The following SMC1B variants were observed in gnomAD, a reference collection of about 807,000 sequenced individuals.
SMC1B encodes structural maintenance of chromosomes 1B.
Under a neutral mutation model 157.9 loss-of-function variants are expected in SMC1B, and 60 were observed. The ratio of observed to expected loss-of-function variants is 0.38; its 90% CI spans 0.31 to 0.47. The LOEUF (loss-of-function observed/expected upper bound fraction) is 0.47, where lower values mean the gene tolerates loss of function less well. SMC1B is among the 20% of genes least tolerant of loss of function. SMC1B has a pLI of 0.99. For missense variants in SMC1B, 1,165 were observed against 1,426.2 expected, an observed-to-expected ratio of 0.82 and a Z score of 2.95; for synonymous variants, 445 against 483.0, an observed-to-expected ratio of 0.92 and a Z score of 1.03.
rs376159177 is a variant in SMC1B, at chr22:45,402,560, G to A, written c.627C>T (p.Tyr209=). ...TTTTCAGTTCTTCAAGGAGACTCTG[G>A]TAACGTTCTGCCTATAAAAGAGTAT... is the stretch of plus-strand genomic sequence containing the variant. The part of the protein sequence containing the change: ...AKLEKEEAER[Y]QSLLEELKMN... Residue 209 remains tyrosine, a synonymous_variant, in exon 5 of 25, where the codon TAC becomes TAT. Coordinates refer to ENST00000357450, the MANE Select transcript of SMC1B (RefSeq NM_148674.5). The A allele has an allele frequency of 3.7e-6, 6 of 1,612,358 alleles. No homozygotes were observed. In the African/African-American group the frequency reaches 6.7e-5, roughly 18 times the overall value.
At chr22:45,359,773 G>A (rs764612184) in intron 18 of SMC1B, 32 bp downstream of exon 18, 55 of 1,601,742 alleles carry the variant, frequency 3.4e-5, no homozygotes, top group Admixed American at 6.7e-5. Flanking sequence ...TCCACACAAC[G>A]GCACATATTT....
intron 5 of SMC1B, among the ~76,000 whole-genome samples, chr22:45,400,598 G>A (rs1180837499): frequency 6.6e-6 from 1 of 152,046 alleles, no homozygotes. Context: ...TTGCCCTCAA[G>A]GTAAAACATA....
rs1387371286 is a variant in SMC1B at position 45,402,315 on chromosome 22, C to T, written c.854+18G>A. On this transcript the variant is annotated intron_variant, in intron 5 of 24. Transcript: ENST00000357450. ...CTACATATAACCCAACTGTTAATAT[C>T]TACTTTTAAAAACTCACTTTAATTC... 4 of 1,541,910 alleles carry T rather than the reference C, an allele frequency of 2.6e-6. No individual in the cohort carries two copies. Among genetic ancestry groups the T allele is most frequent in the Non-Finnish European group, 3.6e-6 (4 of 1,119,090 alleles).
At chr22:45,403,344 C>T (rs2087218198) in intron 4 of SMC1B, among the ~76,000 whole-genome samples, 1 of 152,152 alleles carries the variant, frequency 6.6e-6, no homozygotes, top group African/African-American at 2.4e-5. Flanking sequence ...AAGAAACATC[C>T]ACTTTCCATT....
chr22:45,351,515 A>G (rs1234954589), intron 22 of SMC1B, among the ~76,000 whole-genome samples: 2 of 152,250 alleles, frequency 1.3e-5, no homozygotes, highest in East Asian at 3.8e-4. Flanking sequence ...TCATGGAAAT[A>G]GAGAAGCAGC....
chr22:45,374,099 T>G (rs1602067275), intron 12 of SMC1B, among the ~76,000 whole-genome samples: 2 of 147,780 alleles, frequency 1.4e-5, no homozygotes, highest in African/African-American at 5.0e-5. Context: ...GGTTTTTTTT[T>G]TTTTTTTTTT....
intron 15 of SMC1B, among the ~76,000 whole-genome samples, chr22:45,368,799 G>A (rs1027905274): frequency 4.6e-5 from 7 of 152,142 alleles, no homozygotes; most frequent in African/African-American, 1.7e-4. Flanking sequence ...AATTACAGGC[G>A]TGAGCCACCA....
intron 6 of SMC1B, among the ~76,000 whole-genome samples, chr22:45,397,814 G>A (rs558300511): frequency 1.3e-5 from 2 of 152,246 alleles, no homozygotes; most frequent in Non-Finnish European, 2.9e-5. Context: ...TTCAGGTAGT[G>A]GATGACCTCT....
chr22:45,404,768 C>T (rs1307858503), intron 4 of SMC1B, among the ~76,000 whole-genome samples: 1 of 152,186 alleles, frequency 6.6e-6, no homozygotes, highest in East Asian at 1.9e-4. Flanking sequence ...CTTATGTCCC[C>T]CTAAAATGTA....
chr22:45,378,603 C>T (rs1433486185), intron 12 of SMC1B, among the ~76,000 whole-genome samples: 6 of 152,106 alleles, frequency 3.9e-5, no homozygotes, highest in Non-Finnish European at 8.8e-5. Context: ...AAATGTTCCA[C>T]TATATTTTTA....
At chr22:45,367,892 T>TA (rs1456160376) in intron 15 of SMC1B, among the ~76,000 whole-genome samples, 1 of 152,246 alleles carries the variant, frequency 6.6e-6, no homozygotes, top group East Asian at 1.9e-4. Flanking sequence ...AATTCTGGGA[T>TA]ATTGCTGGTG....
chr22:45,406,553 CTTTCT>C lies in SMC1B; in HGVS notation c.517_521del (p.Arg173ValfsTer11). ...GTGCATCCTCTTCGGCTTTTTGTAA[CTTTCT>C]TTTCTTTTCTTCATATTCTCCTATA... On this transcript the variant is annotated frameshift_variant, in exon 4 of 25. Transcript: ENST00000357450. LOFTEE classifies it high-confidence loss of function. 1 of 1,613,060 alleles carries C rather than the reference CTTTCT, an allele frequency of 6.2e-7. No individual in the cohort carries two copies. The highest frequency in any genetic ancestry group is 8.5e-7 in the Non-Finnish European group (1 of 1,179,830).
Position 45,408,657 on chromosome 22 carries a change from C to A in SMC1B, c.298+53G>T, listed in dbSNP as rs560877563. On this transcript the variant is annotated intron_variant, in intron 2 of 24. Transcript: ENST00000357450. ...ACCCTCCAAAGAAAGAAAAAATGGG[C>A]AATCTTACTTGACTCTTGAAAAATA... The A allele has an allele frequency of 2.3e-4, 294 of 1,266,506 alleles. 1 individual carries two copies. The South Asian group carries it at 3.2e-3, about 14-fold the overall frequency. The allele number at this position is 1,266,506 out of a possible 1,614,324, so 78.5% of individuals were successfully genotyped here.
intron 18 of SMC1B, 36 bp downstream of exon 18, chr22:45,359,769 C>A: frequency 6.2e-7 from 1 of 1,600,778 alleles, no homozygotes; most frequent in Non-Finnish European, 8.5e-7. Context: ...AAGTTCCACA[C>A]AACGGCACAT....
intron 10 of SMC1B, among the ~76,000 whole-genome samples, chr22:45,388,191 T>C (rs1307560767): frequency 6.6e-6 from 1 of 152,188 alleles, no homozygotes; most frequent in African/African-American, 2.4e-5. Flanking sequence ...ATGATCTCAC[T>C]TTTTAATAAA....
chr22:45,345,379 T>A, intron 24 of SMC1B, 80 bp downstream of exon 24: 2 of 766,086 alleles, frequency 2.6e-6, no homozygotes, highest in Non-Finnish European at 4.3e-6. Context: ...GAAGTTTTAA[T>A]TAGGAAAGCC....
intron 10 of SMC1B, among the ~76,000 whole-genome samples, chr22:45,388,509 G>A (rs1209277554): frequency 2.0e-5 from 3 of 152,168 alleles, no homozygotes; most frequent in East Asian, 3.9e-4. Context: ...TAACAACAGT[G>A]TGGAAGTACA....
chr22:45,411,737 C>T (rs1602104780), intron 1 of SMC1B, among the ~76,000 whole-genome samples: 1 of 151,322 alleles, frequency 6.6e-6, no homozygotes, highest in South Asian at 2.1e-4. Context: ...CAGGCGTGCG[C>T]CACCACGCCA....
rs781261674 is a variant in SMC1B at position 45,354,002 on chromosome 22, C to T, written c.3249G>A (p.Lys1083=). The change falls in exon 21 of 25, where the codon AAG becomes AAA. Residue 1083 remains lysine, a synonymous_variant. Transcript: ENST00000357450. ...CTTGGGCGCTGTTGTTTCTGCAGAG[C>T]TTCTTGTAGATTTGATCAATTGAGA... The part of the protein sequence containing the change: ...VSISIDQIYK[K]LCRNNSAQAF... The T allele has an allele frequency of 6.3e-7, 1 of 1,576,670 alleles. No individual in the cohort carries two copies. The highest frequency in any genetic ancestry group is 8.6e-7 in the Non-Finnish European group (1 of 1,161,808).
Sources: allele counts gnomAD v4.1 joint callset (sites outside exome capture counted in the v4.1 genomes callset), GRCh38; gene constraint gnomAD v4.1.1; transcripts MANE v1.5; gene names NCBI Gene and HGNC (gene_info 2026-07-23, HGNC 2026-07-21).